Variants in SKP2 observed in about 807,000 individuals in gnomAD.
SKP2 encodes the protein S-phase kinase associated protein 2.
A neutral mutation model predicts 51.8 loss-of-function variants in SKP2; 16 were observed. The observed-to-expected ratio is 0.31, with a 90% CI of 0.21 to 0.47. SKP2 has a LOEUF of 0.47. Among genes scored for constraint, SKP2 ranks in the 20% least tolerant of loss-of-function variants. The probability of loss-of-function intolerance (pLI) is 1.00; values close to 1 mark genes in which losing one functional copy is unlikely to be tolerated. For missense variants in SKP2, 377 were observed against 505.3 expected (o/e 0.75, Z 2.43); for synonymous variants, 176 against 198.6 (o/e 0.89, Z 0.96).
chr5:36,181,834 C>T lies in SKP2; in HGVS notation c.1078C>T (p.Pro360Ser). The T allele has an allele frequency of 1.2e-6, 2 of 1,613,582 alleles. No homozygotes were observed. Among genetic ancestry groups the T allele is most frequent in the Non-Finnish European group, 1.7e-6 (2 of 1,179,474 alleles). ...CCTTTCCAGTGAACTTGGAGAAATT[C>T]CCACACTAAAAACACTACAAGTTTT... Reference protein sequence around the residue: ...PETLLELGEIPTLKTLQVFGI... With the variant: ...PETLLELGEISTLKTLQVFGI... The change falls in exon 10 of 10, where the codon CCC becomes TCC. Residue 360 changes from proline to serine, a missense_variant. Physicochemically the swap from Pro to Ser is moderately conservative, Grantham distance 74. Transcript: ENST00000274255.
chr5:36,176,777 AT>A (rs1243164972), intron 7 of SKP2, among the ~76,000 whole-genome samples, 187 bp from the exon 8 acceptor site: 3 of 151,898 alleles, frequency 2.0e-5, no homozygotes, highest in Non-Finnish European at 4.4e-5. Context: ...TTTTCGGATG[AT>A]TCTCTTGGGC....
intron 2 of SKP2, among the ~76,000 whole-genome samples, chr5:36,162,821 A>G (rs959973726): frequency 2.7e-4 from 41 of 152,210 alleles, no homozygotes; most frequent in Admixed American, 2.0e-4. Context: ...ATTGACTCAC[A>G]GTTCAGCCTG....
intron 2 of SKP2, among the ~76,000 whole-genome samples, chr5:36,156,328 C>T (rs995971332): frequency 2.6e-5 from 4 of 152,138 alleles, no homozygotes; most frequent in African/African-American, 9.7e-5. Context: ...CAGGTGGCTA[C>T]TAGCTTTGCC....
chr5:36,172,807 A>G (rs935296825), intron 7 of SKP2, among the ~76,000 whole-genome samples: 4 of 152,176 alleles, frequency 2.6e-5, no homozygotes, highest in African/African-American at 9.7e-5. Flanking sequence ...AATTTGGACT[A>G]CTGCCATTCC....
At chr5:36,173,969 G>A (rs1325653842) in intron 7 of SKP2, among the ~76,000 whole-genome samples, 1 of 152,080 alleles carries the variant, frequency 6.6e-6, no homozygotes, top group African/African-American at 2.4e-5. Context: ...CAGTAAAATG[G>A]AGATAAGTAG....
intron 9 of SKP2, among the ~76,000 whole-genome samples, chr5:36,177,649 T>C (rs929851731): frequency 1.3e-5 from 2 of 151,806 alleles, no homozygotes; most frequent in East Asian, 1.9e-4. Flanking sequence ...TTTTTTTTTT[T>C]CTTTCCAAAT....
At chr5:36,185,301 T>G (rs1457632814), downstream of SKP2, among the ~76,000 whole-genome samples, 1 of 152,226 alleles carries the variant, frequency 6.6e-6, no homozygotes, top group Non-Finnish European at 1.5e-5. Flanking sequence ...TTGTTGTCAT[T>G]GCTTTTGGTG....
Position 36,182,549 on chromosome 5 carries a change from A to G in SKP2, c.*518A>G, listed in dbSNP as rs932243238. The G allele has an allele frequency of 1.0e-6, 1 of 984,922 alleles. No individual in the cohort carries two copies. Among genetic ancestry groups the G allele is most frequent in the African/African-American group, 1.7e-5 (1 of 57,242 alleles). The allele number at this position is 984,922 out of a possible 1,614,324, so 61.0% of individuals were successfully genotyped here. The stretch of plus-strand genomic sequence containing the variant: ...TTTTCTAGGAATAGGAAAGAGAAAA[A>G]TGTATTTGAATTTTGCCTTTAGATT... On this transcript the variant is annotated 3_prime_UTR_variant, in exon 10 of 10. Coordinates refer to ENST00000274255, the MANE Select transcript of SKP2 (RefSeq NM_005983.4).
At chr5:36,162,183 G>A (rs919837860) in intron 2 of SKP2, among the ~76,000 whole-genome samples, 12 of 152,120 alleles carry the variant, frequency 7.9e-5, no homozygotes, top group Admixed American at 2.0e-4. Context: ...AGAATTCAGC[G>A]TCAAAGCCAA....
chr5:36,179,288 A>G (rs748542198), intron 9 of SKP2, among the ~76,000 whole-genome samples: 37 of 152,152 alleles, frequency 2.4e-4, no homozygotes, highest in Non-Finnish European at 4.1e-4. Context: ...GGCAGCTGAT[A>G]TATTTGAGGT....
intron 9 of SKP2, chr5:36,180,351 T>C: frequency 1.1e-6 from 1 of 875,536 alleles, no homozygotes; most frequent in Non-Finnish European, 1.7e-6. Context: ...TGTTTCTACA[T>C]TCCAGAAAGC....
At position 36,152,792 on chromosome 5, in the gene SKP2, A is replaced by G; in HGVS notation, c.30A>G (p.Pro10=). Residue 10 remains proline (P), a synonymous_variant, in exon 2 of 10, where the codon CCA becomes CCG. Transcript: ENST00000274255. ...GCAGGAAGCACCTCCAGGAGATTCC[A>G]GACCTGAGTAGCAACGTTGCCACCA... MHRKHLQEI[P]DLSSNVATSF... 6.2e-7 allele frequency: 1 copy of G among 1,613,948 alleles called. No individual in the cohort carries two copies.
At chr5:36,180,924 C>T (rs16902789) in intron 9 of SKP2, among the ~76,000 whole-genome samples, 6,030 of 152,100 alleles carry the variant, frequency 0.04, 429 homozygotes, top group African/African-American at 0.14. Flanking sequence ...ACTGTATGTC[C>T]CAACCTTGAG....
intron 1 of SKP2, 85 bp from the exon 2 acceptor site, chr5:36,152,686 C>T (rs1744778530): frequency 3.5e-6 from 5 of 1,415,508 alleles, no homozygotes; most frequent in Admixed American, 2.0e-5. Context: ...TCCTACAATG[C>T]ATAAACTGCA....
rs1483251309 is a variant in SKP2 at position 36,170,452 on chromosome 5, A to T, written c.770+10A>T. The T allele has an allele frequency of 6.6e-7, 1 of 1,509,586 alleles. No homozygotes were observed. The highest frequency in any genetic ancestry group is 9.2e-7 in the Non-Finnish European group (1 of 1,087,294). The allele number at this position is 1,509,586 out of a possible 1,614,324, so 93.5% of individuals were successfully genotyped here. A position where few individuals can be genotyped will look rare whatever the true frequency, so the allele number is the denominator to read the frequency against. On this transcript the variant is annotated intron_variant, in intron 6 of 9. Coordinates refer to ENST00000274255, the MANE Select transcript of SKP2 (RefSeq NM_005983.4). ...TAAGCAGCTGTTCCAGGTATGAAAG[A>T]TGTGAGACTTGATTATAGACTCTTA...
chr5:36,164,874 C>T (rs1438396701), intron 3 of SKP2, among the ~76,000 whole-genome samples: 1 of 152,190 alleles, frequency 6.6e-6, no homozygotes, highest in Non-Finnish European at 1.5e-5. Context: ...CTATCATTAA[C>T]ATATTCATTA....
In SKP2 at chr5:36,183,828, T is replaced by C. The variant is rs758723981; in HGVS notation, c.*1797T>C. 6.3e-7 allele frequency: 1 copy of C among 1,577,390 alleles called. No individual in the cohort carries two copies. The highest frequency in any genetic ancestry group is 8.6e-7 in the Non-Finnish European group (1 of 1,167,052). On this transcript the variant is annotated 3_prime_UTR_variant, in exon 10 of 10. Coordinates refer to ENST00000274255, the MANE Select transcript of SKP2 (RefSeq NM_005983.4). ...AAAAGTGCTAAATACTACTTGAAAT[T>C]ATTGTTTACAGATTAGTGACAAGAG...
At chr5:36,161,294 A>T (rs1745114154) in intron 2 of SKP2, among the ~76,000 whole-genome samples, 1 of 123,380 alleles carries the variant, frequency 8.1e-6, no homozygotes, top group Non-Finnish European at 1.7e-5. Flanking sequence ...AAAATTGTTA[A>T]AAAAAAAAAA....
intron 6 of SKP2, among the ~76,000 whole-genome samples, chr5:36,190,636 A>G (rs1746000583): frequency 6.9e-6 from 1 of 145,302 alleles, no homozygotes; most frequent in South Asian, 2.2e-4. Flanking sequence ...TGCTGGTCCT[A>G]TCACCACTAT....
Sources: allele counts gnomAD v4.1 joint callset (sites outside exome capture counted in the v4.1 genomes callset), GRCh38; gene constraint gnomAD v4.1.1; transcripts MANE v1.5; gene names NCBI Gene and HGNC (gene_info 2026-07-23, HGNC 2026-07-21).